SMOC1: variants seen among roughly 807,000 people sequenced by gnomAD.
SMOC1 encodes SPARC-related modular calcium-binding protein 1.
Under a neutral mutation model 56.3 loss-of-function variants are expected in SMOC1, and 22 were observed. The observed-to-expected ratio is 0.39, with a 90% CI of 0.28 to 0.56. The LOEUF is 0.56. SMOC1 is among the 20% of genes least tolerant of loss of function. The probability of loss-of-function intolerance (pLI) is 0.61; values close to 1 mark genes in which losing one functional copy is unlikely to be tolerated. For missense variants in SMOC1, 509 were observed against 565.4 expected, an observed-to-expected ratio of 0.90 and a Z score of 1.01; for synonymous variants, 193 against 215.0, an observed-to-expected ratio of 0.90 and a Z score of 0.89.
At position 70,008,300 on chromosome 14, in the gene SMOC1, T is replaced by C. The variant is rs1291026589; in HGVS notation, c.665-2454T>C. Among the ~76,000 whole-genome samples the C allele has an allele frequency of 3.3e-5, 5 of 152,102 alleles. No individual in the cohort carries two copies. In the South Asian group the frequency reaches 8.3e-4, roughly 25 times the overall value. On this transcript the variant is annotated intron_variant, in intron 7 of 11. Coordinates refer to ENST00000361956, the MANE Select transcript of SMOC1 (RefSeq NM_001034852.3). ...ATGTGCTATCACACTGGCTACTTTT[T>C]GTATTTATTTATTTATTTTTGTAAA...
chr14:70,001,429 C>G (rs1035690700), intron 7 of SMOC1, among the ~76,000 whole-genome samples: 1 of 152,104 alleles, frequency 6.6e-6, no homozygotes, highest in Non-Finnish European at 1.5e-5. Flanking sequence ...TGGTCCATAC[C>G]AGTGGGGAGG....
intron 5 of SMOC1, among the ~76,000 whole-genome samples, chr14:69,990,790 A>T (rs943062418): frequency 1.3e-5 from 2 of 151,984 alleles, no homozygotes; most frequent in Non-Finnish European, 2.9e-5. Flanking sequence ...GCTACATCTC[A>T]TTTCTTGGGA....
Position 69,879,427 on chromosome 14 carries a change from C to G in SMOC1, c.-252C>G, listed in dbSNP as rs531768521. 1 of 378,106 alleles carries G rather than the reference C, an allele frequency of 2.6e-6. No homozygotes were observed. The highest frequency in any genetic ancestry group is 4.7e-5 in the Admixed American group (1 of 21,118). 23.4% of individuals were successfully genotyped at this position (378,106 alleles called of 1,614,324 possible). ...CATGGCCCGGGCTCAGGCGTCCAAC[C>G]TGCTGCCGCCTGGGCCCCGCCGAGC... On this transcript the variant is annotated 5_prime_UTR_variant, in exon 1 of 12. Transcript: ENST00000361956.
intron 3 of SMOC1, among the ~76,000 whole-genome samples, chr14:69,975,086 G>A (rs1361094834): frequency 2.0e-5 from 3 of 152,170 alleles, no homozygotes; most frequent in African/African-American, 7.2e-5. Context: ...GCTCACGCCT[G>A]TAATCCCAGT....
intron 3 of SMOC1, among the ~76,000 whole-genome samples, chr14:69,960,315 C>A (rs1883326626): frequency 6.6e-6 from 1 of 152,170 alleles, no homozygotes; most frequent in African/African-American, 2.4e-5. Context: ...AGGTGAAGTA[C>A]TGAGACCTGG....
intron 2 of SMOC1, 99 bp downstream of exon 2, chr14:69,952,402 C>T (rs937528867): frequency 6.9e-7 from 1 of 1,440,724 alleles, no homozygotes; most frequent in Non-Finnish European, 9.6e-7. Flanking sequence ...TAAGTCTGTC[C>T]ACTCACTTTG....
chr14:70,011,452 C>CGCCCCA, intron 8 of SMOC1, 33 bp from the exon 9 acceptor site: 1 of 1,359,480 alleles, frequency 7.4e-7, no homozygotes. Context: ...TTGCCAGCCC[C>CGCCCCA]TCCCAACCCC....
chr14:70,010,806 G>A lies in SMOC1; in HGVS notation c.717G>A (p.Gln239=). Residue 239 remains glutamine, a synonymous_variant, in exon 8 of 12, where the codon CAG becomes CAA. Transcript: ENST00000361956. ...GGCAGAGTGCCCTGGAAGAGGCCCA[G>A]CAGAATCCCCGTGAGGGTATTGTCA... The part of the protein sequence containing the change: ...QERQSALEEA[Q]QNPREGIVIP... 6.2e-7 allele frequency: 1 copy of A among 1,614,254 alleles called. No individual in the cohort carries two copies. The highest frequency in any genetic ancestry group is 1.3e-5 in the African/African-American group (1 of 75,072).
chr14:69,880,339 T>C (rs1883602733), intron 1 of SMOC1, among the ~76,000 whole-genome samples: 1 of 151,902 alleles, frequency 6.6e-6, no homozygotes, highest in Non-Finnish European at 1.5e-5. Context: ...TGGAAGAGGG[T>C]CAGAGGTGGG....
intron 7 of SMOC1, among the ~76,000 whole-genome samples, chr14:70,003,375 G>A (rs913926543): frequency 2.0e-5 from 3 of 152,124 alleles, no homozygotes; most frequent in African/African-American, 7.2e-5. Flanking sequence ...AAAATCCAGT[G>A]CTTGATGGTC....
chr14:69,987,309 C>T (rs1458414857), intron 5 of SMOC1, among the ~76,000 whole-genome samples: 2 of 152,168 alleles, frequency 1.3e-5, no homozygotes, highest in Admixed American at 1.3e-4. Context: ...TTGAAGGGGA[C>T]TTGGGATTGT....
intron 6 of SMOC1, 146 bp from the exon 7 acceptor site, chr14:69,994,254 G>T: frequency 1.3e-6 from 1 of 768,114 alleles, no homozygotes; most frequent in Admixed American, 1.7e-5. Context: ...GGAAGGGAGG[G>T]GAACTGGGAG....
At chr14:70,012,952 G>A (rs1885392727) in intron 9 of SMOC1, among the ~76,000 whole-genome samples, 1 of 152,166 alleles carries the variant, frequency 6.6e-6, no homozygotes, top group Admixed American at 6.5e-5. Flanking sequence ...TTGACCACTG[G>A]GGGTTCTCTC....
At chr14:69,980,650 C>G (rs938212988) in intron 5 of SMOC1, among the ~76,000 whole-genome samples, 1 of 152,206 alleles carries the variant, frequency 6.6e-6, no homozygotes, top group Non-Finnish European at 1.5e-5. Flanking sequence ...CCTCTTTCAG[C>G]TGCCACTTAA....
chr14:70,002,285 G>T (rs1884996565), intron 7 of SMOC1, among the ~76,000 whole-genome samples: 1 of 152,148 alleles, frequency 6.6e-6, no homozygotes, highest in Admixed American at 6.6e-5. Context: ...GGGCTTTTTA[G>T]CTTAAAGGGG....
At chr14:69,946,040 G>A (rs1310816531) in intron 1 of SMOC1, among the ~76,000 whole-genome samples, 1 of 152,228 alleles carries the variant, frequency 6.6e-6, no homozygotes, top group Non-Finnish European at 1.5e-5. Context: ...CCTCCCAGAT[G>A]GAACCTTAGG....
intron 1 of SMOC1, among the ~76,000 whole-genome samples, chr14:69,948,582 G>T (rs1408600674): frequency 4.6e-5 from 7 of 152,092 alleles, no homozygotes; most frequent in Non-Finnish European, 7.4e-5. Flanking sequence ...AACTTCACGG[G>T]GATGCTGGCA....
intron 6 of SMOC1, among the ~76,000 whole-genome samples, chr14:69,993,102 G>A (rs778588646): frequency 3.3e-5 from 5 of 152,170 alleles, no homozygotes; most frequent in African/African-American, 4.8e-5. Flanking sequence ...TGGACAAGAG[G>A]GGAATGAGGT....
intron 1 of SMOC1, among the ~76,000 whole-genome samples, chr14:69,932,360 G>A (rs1885188505): frequency 6.6e-6 from 1 of 152,158 alleles, no homozygotes; most frequent in East Asian, 1.9e-4. Context: ...CCTCTGCTGC[G>A]CTGGGGCCTT....
Sources: allele counts gnomAD v4.1 joint callset (sites outside exome capture counted in the v4.1 genomes callset), GRCh38; gene constraint gnomAD v4.1.1; transcripts MANE v1.5; gene names NCBI Gene and HGNC (gene_info 2026-07-23, HGNC 2026-07-21).